The following CNTNAP5 variants were observed in gnomAD, a reference collection of about 807,000 sequenced individuals.
CNTNAP5 encodes contactin associated protein family member 5, also known as contactin-associated protein-like 5.
A neutral mutation model predicts 150.2 loss-of-function variants in CNTNAP5; 72 were observed. The ratio of observed to expected loss-of-function variants is 0.48; its 90% CI spans 0.40 to 0.58. The LOEUF is 0.58. CNTNAP5 is among the 20% of genes least tolerant of loss of function. CNTNAP5 has a pLI of 0.00. For synonymous variants in CNTNAP5, 672 were observed against 619.8 expected, an observed-to-expected ratio of 1.08 and a Z score of -1.25; for missense variants, 1,636 against 1,626.2, an observed-to-expected ratio of 1.01 and a Z score of -0.10.
chr2:124,766,151 A>G (rs1329888089), intron 16 of CNTNAP5, among the ~76,000 whole-genome samples: 1 of 152,056 alleles, frequency 6.6e-6, no homozygotes, highest in African/African-American at 2.4e-5. Context: ...CTCTGCATGC[A>G]GCACACTTTT....
At chr2:124,134,175 C>T (rs76590099) in intron 1 of CNTNAP5, among the ~76,000 whole-genome samples, 3 of 152,256 alleles carry the variant, frequency 2.0e-5, no homozygotes, top group African/African-American at 7.2e-5. Context: ...TGTCTAAACT[C>T]CGTTTGTCAG....
intron 13 of CNTNAP5, among the ~76,000 whole-genome samples, chr2:124,737,596 G>A (rs1256888232): frequency 2.0e-5 from 3 of 152,146 alleles, no homozygotes; most frequent in Non-Finnish European, 4.4e-5. Context: ...GGTGGGATTT[G>A]TTTCTTGTTG....
At chr2:124,607,190 C>T (rs1193463825) in intron 11 of CNTNAP5, among the ~76,000 whole-genome samples, 5 of 152,116 alleles carry the variant, frequency 3.3e-5, no homozygotes, top group East Asian at 3.9e-4. Context: ...CTCAGAGTGT[C>T]TCTGGGACCG....
intron 1 of CNTNAP5, among the ~76,000 whole-genome samples, chr2:124,215,757 A>C (rs1382493460): frequency 2.0e-5 from 3 of 151,254 alleles, no homozygotes; most frequent in African/African-American, 7.3e-5. Flanking sequence ...AATTATCCTG[A>C]AAGTTATAAA....
At chr2:124,119,477 C>T (rs1683510018) in intron 1 of CNTNAP5, among the ~76,000 whole-genome samples, 1 of 151,788 alleles carries the variant, frequency 6.6e-6, no homozygotes, top group African/African-American at 2.4e-5. Context: ...CTTGTTCTCA[C>T]CAGTAAAAAC....
intron 11 of CNTNAP5, among the ~76,000 whole-genome samples, chr2:124,572,721 A>G (rs1696193827): frequency 6.6e-6 from 1 of 152,160 alleles, no homozygotes; most frequent in Non-Finnish European, 1.5e-5. Context: ...GTCATCTCAC[A>G]TTCTCAGCTC....
chr2:124,410,354 G>A (rs1691717379), intron 3 of CNTNAP5, among the ~76,000 whole-genome samples: 1 of 151,712 alleles, frequency 6.6e-6, no homozygotes. Flanking sequence ...CCCAAGAATT[G>A]AACTCAGCTC....
chr2:124,254,260 G>T (rs1323366639), intron 3 of CNTNAP5, among the ~76,000 whole-genome samples: 1 of 152,138 alleles, frequency 6.6e-6, no homozygotes, highest in Non-Finnish European at 1.5e-5. Flanking sequence ...TCCCTCAAAT[G>T]TAAGAAAATA....
intron 12 of CNTNAP5, among the ~76,000 whole-genome samples, chr2:124,633,740 T>C (rs1587788): frequency 0.42 from 63,309 of 152,170 alleles, 15,470 homozygotes; most frequent in Non-Finnish European, 0.56. Flanking sequence ...GGTTTTTGCC[T>C]GGACATACAG....
At chr2:124,059,746 T>A (rs958740833) in intron 1 of CNTNAP5, among the ~76,000 whole-genome samples, 1 of 152,138 alleles carries the variant, frequency 6.6e-6, no homozygotes, top group Admixed American at 6.6e-5. Context: ...CTGTTTGGCA[T>A]CAGCGTAGAG....
At chr2:124,588,898 C>T (rs1696615445) in intron 11 of CNTNAP5, among the ~76,000 whole-genome samples, 1 of 151,990 alleles carries the variant, frequency 6.6e-6, no homozygotes, top group African/African-American at 2.4e-5. Context: ...CCTGTGTTGC[C>T]CTAATCAGAC....
intron 12 of CNTNAP5, among the ~76,000 whole-genome samples, chr2:124,639,394 A>G (rs1003433012): frequency 3.3e-5 from 5 of 152,122 alleles, no homozygotes; most frequent in African/African-American, 1.2e-4. Flanking sequence ...CTTTTTGTCA[A>G]TCCCCTCCAG....
chr2:124,746,771 T>G (rs1573589544), intron 13 of CNTNAP5, among the ~76,000 whole-genome samples: 3 of 152,156 alleles, frequency 2.0e-5, no homozygotes, highest in East Asian at 1.9e-4. Flanking sequence ...AAAGTTATTA[T>G]TTTTTGAAAT....
chr2:124,768,271 ATGTGTGTGTGTGTGTGTGTG>A (rs10598326), intron 16 of CNTNAP5, among the ~76,000 whole-genome samples: 1 of 131,220 alleles, frequency 7.6e-6, no homozygotes, highest in Non-Finnish European at 1.8e-5. Context: ...TACTGTATGT[ATGTGTGTGTGTGTGTGTGTG>A]TGTGTGTGTG....
At chr2:124,568,075 C>T (rs1019466543) in intron 11 of CNTNAP5, among the ~76,000 whole-genome samples, 1 of 152,188 alleles carries the variant, frequency 6.6e-6, no homozygotes, top group African/African-American at 2.4e-5. Context: ...CTAAATCCTG[C>T]ATCTTATTTC....
chr2:124,340,426 A>G (rs1689581649), intron 3 of CNTNAP5, among the ~76,000 whole-genome samples: 1 of 152,102 alleles, frequency 6.6e-6, no homozygotes, highest in African/African-American at 2.4e-5. Flanking sequence ...AAAATGGGAT[A>G]TGTAGGCAGT....
rs1302329428 is a variant in CNTNAP5, at chr2:124,678,022, CAT to C, written c.2077+30065_2077+30066del. ...TGTTGGGCGTTTCTTTAAGTTCCCA[CAT>C]GTCTTAAGTCTCTGCCTTTTTGTTT... On this transcript the variant is annotated intron_variant, in intron 13 of 23. Coordinates refer to ENST00000682447, the MANE Select transcript of CNTNAP5 (RefSeq NM_001367498.1). Among the ~76,000 whole-genome samples, 3 of 152,050 alleles carry C rather than the reference CAT, an allele frequency of 2.0e-5. 1 individual carries two copies. Among genetic ancestry groups the C allele is most frequent in the Admixed American group, 1.3e-4 (2 of 15,046 alleles).
intron 13 of CNTNAP5, among the ~76,000 whole-genome samples, chr2:124,660,555 C>A (rs1164614481): frequency 6.6e-6 from 1 of 152,040 alleles, no homozygotes; most frequent in Non-Finnish European, 1.5e-5. Context: ...ATATCCAAAG[C>A]AATACCATTT....
chr2:124,797,206 A>G (rs1681866106), intron 18 of CNTNAP5, among the ~76,000 whole-genome samples: 1 of 152,224 alleles, frequency 6.6e-6, no homozygotes, highest in Non-Finnish European at 1.5e-5. Context: ...CATGGCCGGC[A>G]TGAAACCAAG....
Sources: gnomAD v4.1 joint callset for allele counts (sites outside exome capture counted in the v4.1 genomes callset) on GRCh38, gnomAD v4.1.1 for gene constraint, MANE v1.5 for transcripts, NCBI Gene and HGNC (gene_info 2026-07-23, HGNC 2026-07-21) for gene names.